Variants in URB2 observed in about 807,000 individuals in gnomAD.
The protein encoded by URB2 is unhealthy ribosome biogenesis protein 2 homolog.
A neutral mutation model predicts 120.9 loss-of-function variants in URB2; 86 were observed. That is an observed-to-expected ratio of 0.71 (90% confidence interval 0.60 to 0.85). The LOEUF (loss-of-function observed/expected upper bound fraction) is 0.85, where lower values mean the gene tolerates loss of function less well. URB2 is among the 40% of genes least tolerant of loss of function. The pLI is 0.00. For synonymous variants in URB2, 755 were observed against 758.4 expected (o/e 1.00, Z 0.07); for missense variants, 1,765 against 1,836.5 (o/e 0.96, Z 0.71).
intron 2 of URB2, among the ~76,000 whole-genome samples, chr1:229,630,596 C>T (rs111538235): frequency 2.6e-5 from 4 of 152,256 alleles, no homozygotes; most frequent in African/African-American, 9.6e-5. Context: ...TGAGCACTGG[C>T]GTCAAAGTTA....
At chr1:229,641,433 CTG>C (rs1174050031) in intron 4 of URB2, among the ~76,000 whole-genome samples, 1 of 152,176 alleles carries the variant, frequency 6.6e-6, no homozygotes, top group African/African-American at 2.4e-5. Context: ...GCCTGCCACA[CTG>C]TGCCCTCAGC....
At chr1:229,628,020 C>T (rs917589868) in intron 2 of URB2, among the ~76,000 whole-genome samples, 2 of 147,846 alleles carry the variant, frequency 1.4e-5, no homozygotes, top group Non-Finnish European at 1.5e-5. Context: ...GAGGCCAAAG[C>T]GGGGGATCGC....
At chr1:229,652,387 A>G (rs2102798801) in intron 8 of URB2, among the ~76,000 whole-genome samples, 1 of 152,186 alleles carries the variant, frequency 6.6e-6, no homozygotes, top group East Asian at 1.9e-4. Flanking sequence ...CCGACTGGAA[A>G]TACAGGAGTG....
Position 229,659,509 on chromosome 1 carries a change from G to A in URB2, c.*212G>A, listed in dbSNP as rs1666474952. The A allele has an allele frequency of 2.2e-6, 1 of 452,940 alleles. No individual in the cohort carries two copies. Among genetic ancestry groups the A allele is most frequent in the East Asian group, 3.6e-5 (1 of 27,618 alleles). The allele number at this position is 452,940 out of a possible 1,614,324, so 28.1% of individuals were successfully genotyped here. A position where few individuals can be genotyped will look rare whatever the true frequency, so the allele number is the denominator to read the frequency against. On this transcript the variant is annotated 3_prime_UTR_variant, in exon 10 of 10. Transcript: ENST00000258243. ...TACATAGTTTTATGCAGTAAGTATT[G>A]CAATAGAATCCTGAAAATTGACCCT...
chr1:229,659,320 C>T lies in URB2; in HGVS notation c.*23C>T. 1.2e-6 allele frequency: 2 copies of T among 1,611,358 alleles called. No individual in the cohort carries two copies. Among genetic ancestry groups the T allele is most frequent in the Non-Finnish European group, 1.7e-6 (2 of 1,178,272 alleles). ...TAAGGCTATGGGACAGAAGTGCCGC[C>T]AGTGACACTGTCCAGAGGCTTTGGC... is the stretch of plus-strand genomic sequence containing the variant. On this transcript the variant is annotated 3_prime_UTR_variant, in exon 10 of 10. Coordinates refer to ENST00000258243, the MANE Select transcript of URB2 (RefSeq NM_014777.4).
At chr1:229,652,655 T>C (rs1343380454) in intron 8 of URB2, among the ~76,000 whole-genome samples, 1 of 152,234 alleles carries the variant, frequency 6.6e-6, no homozygotes, top group Non-Finnish European at 1.5e-5. Context: ...CATGCCAGCC[T>C]CAGCAAGTTG....
At position 229,632,342 on chromosome 1, in the gene URB2, T is replaced by C. The variant is rs747109664; in HGVS notation, c.200T>C (p.Val67Ala). 10 of 1,597,140 alleles carry C rather than the reference T, an allele frequency of 6.3e-6. No individual in the cohort carries two copies. Among genetic ancestry groups the C allele is most frequent in the Non-Finnish European group, 8.5e-6 (10 of 1,174,740 alleles). ...KKKLELKEDI[V>A]ERLWIYIDNI... ...AAGCTTGAACTGAAGGAAGATATTG[T>C]TGAAAGGCTTTGGATCTATATAGAT... The change falls in exon 3 of 10, where the codon GTT becomes GCT. Residue 67 changes from valine to alanine, a missense_variant. By Grantham distance (64) the Val-to-Ala change is moderately conservative (BLOSUM62 0). Transcript: ENST00000258243.
Position 229,636,324 on chromosome 1 carries a change from A to G in URB2, c.1711A>G (p.Met571Val), listed in dbSNP as rs369400580. ...GCCCATTGTCAGACGGACACAGTGC[A>G]TGATGGAGAGGATGATGAGGGAGCT... ...PLPIVRRTQC[M>V]MERMMRELVQ... Residue 571 changes from methionine to valine, a missense_variant, in exon 4 of 10, where the codon ATG becomes GTG. Met to Val is a conservative substitution (Grantham distance 21). Coordinates refer to ENST00000258243, the MANE Select transcript of URB2 (RefSeq NM_014777.4). 106 of 1,614,122 alleles carry G rather than the reference A, an allele frequency of 6.6e-5. No homozygotes were observed. The African/African-American group carries it at 7.9e-4, about 12-fold the overall frequency.
chr1:229,627,780 A>C, intron 2 of URB2, 21 bp downstream of exon 2: 1 of 1,597,062 alleles, frequency 6.3e-7, no homozygotes, highest in Non-Finnish European at 8.5e-7. Flanking sequence ...TGTGAAACTC[A>C]TATTTTTACA....
rs559785060 is a variant in URB2, at chr1:229,635,291, G to A, written c.678G>A (p.Arg226=). Residue 226 remains arginine, a synonymous_variant, in exon 4 of 10, where the codon AGG becomes AGA. Coordinates refer to ENST00000258243, the MANE Select transcript of URB2 (RefSeq NM_014777.4). ...TWTQAGQGQL[R]QVLSRDIRSQ... is the part of the protein sequence containing the mutation. ...CGCAGGCTGGCCAGGGCCAGCTGAG[G>A]CAGGTGCTGAGCCGGGACATCAGGA... 2.5e-6 allele frequency: 4 copies of A among 1,614,228 alleles called. No individual in the cohort carries two copies. In the African/African-American group the frequency reaches 4.0e-5, roughly 16 times the overall value.
At chr1:229,639,327 A>G (rs1571874422) in intron 4 of URB2, among the ~76,000 whole-genome samples, 1 of 143,290 alleles carries the variant, frequency 7.0e-6, no homozygotes, top group Non-Finnish European at 1.5e-5. Flanking sequence ...AGTACAAATC[A>G]CTTAATTTCT....
chr1:229,632,811 GT>G (rs5781547), intron 3 of URB2, among the ~76,000 whole-genome samples: 63,954 of 101,808 alleles, frequency 0.63, 16,699 homozygotes, highest in East Asian at 0.74. Flanking sequence ...TTCCTCAAAG[GT>G]TTTTTTTTTT....
chr1:229,647,108 A>G (rs1380814521), intron 6 of URB2, among the ~76,000 whole-genome samples: 1 of 152,164 alleles, frequency 6.6e-6, no homozygotes, highest in Non-Finnish European at 1.5e-5. Flanking sequence ...CTGGGCTAGA[A>G]TCCACTTACG....
At position 229,635,766 on chromosome 1, in the gene URB2, G is replaced by T. The variant is rs757047802; in HGVS notation, c.1153G>T (p.Ala385Ser). The change falls in exon 4 of 10, where the codon GCT becomes TCT. Residue 385 changes from alanine to serine, a missense_variant. Physicochemically the swap from Ala to Ser is moderately conservative, Grantham distance 99. Transcript: ENST00000258243. ...IAADRIRHEE[A>S]QFRFYRHVAE... Reference sequence around the variant, plus strand: ...TGCCGACAGAATTCGGCACGAAGAGGCTCAGTTCCGCTTTTACCGCCACGT... The same window carrying T: ...TGCCGACAGAATTCGGCACGAAGAGTCTCAGTTCCGCTTTTACCGCCACGT... 2 of 1,613,998 alleles carry T rather than the reference G, an allele frequency of 1.2e-6. No homozygotes were observed. Among genetic ancestry groups the T allele is most frequent in the African/African-American group, 1.3e-5 (1 of 74,938 alleles).
At chr1:229,651,104 C>A (rs1666260210) in intron 7 of URB2, 131 bp from the exon 8 acceptor site, 8 of 719,750 alleles carry the variant, frequency 1.1e-5, no homozygotes, top group Non-Finnish European at 1.7e-5. Flanking sequence ...GTGGCTATCC[C>A]TGGGCACACA....
At position 229,632,370 on chromosome 1, in the gene URB2, C is replaced by T. The variant is rs1665690379; in HGVS notation, c.228C>T (p.Asn76=). Residue 76 remains asparagine, a synonymous_variant, in exon 3 of 10, where the codon AAC becomes AAT. Coordinates refer to ENST00000258243, the MANE Select transcript of URB2 (RefSeq NM_014777.4). ...AAAGGCTTTGGATCTATATAGATAA[C>T]ATTTTACATAGCAGAAAATTGCAGA... ...IVERLWIYID[N]ILHSRKLQNL... 2 of 1,586,138 alleles carry T rather than the reference C, an allele frequency of 1.3e-6. No individual in the cohort carries two copies. Among genetic ancestry groups the T allele is most frequent in the African/African-American group, 1.4e-5 (1 of 73,372 alleles).
chr1:229,642,455 AG>A (rs1666033087), intron 4 of URB2, among the ~76,000 whole-genome samples: 1 of 152,210 alleles, frequency 6.6e-6, no homozygotes. Context: ...TGCTGTAAAT[AG>A]TAAGCAAAGA....
At position 229,647,560 on chromosome 1, in the gene URB2, C is replaced by T. The variant is rs781658425; in HGVS notation, c.3957C>T (p.Val1319=). 3.7e-6 allele frequency: 6 copies of T among 1,614,194 alleles called. No homozygotes were observed. Among genetic ancestry groups the T allele is most frequent in the Non-Finnish European group, 5.1e-6 (6 of 1,180,042 alleles). The change falls in exon 7 of 10, where the codon GTC becomes GTT. Residue 1319 remains valine, a synonymous_variant. Transcript: ENST00000258243. ...AGCAGCCTGTGTCCCTCACAGTGGT[C>T]GGGCCTGTCTTAGATGTCCTGGCTG... ...SQEQPVSLTV[V]GPVLDVLAAL...
In URB2 at chr1:229,636,959, A is replaced by T. The variant is rs1156762841; in HGVS notation, c.2346A>T (p.Glu782Asp). The part of the protein sequence containing the change: ...MGKAQEVSID[E>D]EAYITLEKIS... ...AAGCCCAGGAAGTCTCAATAGATGA[A>T]GAGGCATACATCACACTGGAAAAAA... Residue 782 changes from glutamate (E) to aspartate (D), a missense_variant, in exon 4 of 10, where the codon GAA (glutamate) becomes GAT (aspartate). Glu to Asp is a conservative substitution (Grantham distance 45). Coordinates refer to ENST00000258243, the MANE Select transcript of URB2 (RefSeq NM_014777.4). The T allele has an allele frequency of 4.0e-5, 64 of 1,613,990 alleles. No homozygotes were observed. The highest frequency in any genetic ancestry group is 5.3e-5 in the Non-Finnish European group (62 of 1,180,030).
Sources: gnomAD v4.1 joint callset for allele counts (sites outside exome capture counted in the v4.1 genomes callset) on GRCh38, gnomAD v4.1.1 for gene constraint, MANE v1.5 for transcripts, NCBI Gene and HGNC (gene_info 2026-07-23, HGNC 2026-07-21) for gene names.